The following MAST4 variants were observed in gnomAD, a reference collection of about 807,000 sequenced individuals.
MAST4 encodes the protein microtubule-associated serine/threonine-protein kinase 4.
MAST4 carries 89 observed loss-of-function variants against 162.7 expected under a neutral mutation model. The ratio of observed to expected loss-of-function variants is 0.55; its 90% CI spans 0.46 to 0.65. The LOEUF (loss-of-function observed/expected upper bound fraction) is 0.65, where lower values mean the gene tolerates loss of function less well. Among genes scored for constraint, MAST4 ranks in the 30% least tolerant of loss-of-function variants. MAST4 has a pLI of 0.00. For synonymous variants in MAST4, 1,479 were observed against 1,361.1 expected, an observed-to-expected ratio of 1.09 and a Z score of -1.91; for missense variants, 3,153 against 3,374.0, an observed-to-expected ratio of 0.93 and a Z score of 1.62.
At chr5:66,646,228 CATT>C (rs1304572266) in intron 1 of MAST4, among the ~76,000 whole-genome samples, 1 of 149,432 alleles carries the variant, frequency 6.7e-6, no homozygotes, top group Non-Finnish European at 1.5e-5. Context: ...GGTTATTAAT[CATT>C]ATTAATGGAT....
chr5:66,619,695 C>A (rs1422524707), intron 1 of MAST4, among the ~76,000 whole-genome samples: 2 of 151,874 alleles, frequency 1.3e-5, no homozygotes, highest in East Asian at 3.9e-4. Flanking sequence ...TAACCTTGTA[C>A]ATATTTTGCC....
At chr5:67,102,748 TAGAAAG>T (rs1765166662) in intron 9 of MAST4, 137 bp downstream of exon 9, 1 of 692,966 alleles carries the variant, frequency 1.4e-6, no homozygotes, top group Admixed American at 2.7e-5. Context: ...ATAGTCTTCT[TAGAAAG>T]AGAAAATAAC....
At chr5:66,869,198 G>A (rs1466248559) in intron 3 of MAST4, among the ~76,000 whole-genome samples, 1 of 151,930 alleles carries the variant, frequency 6.6e-6, no homozygotes, top group Non-Finnish European at 1.5e-5. Context: ...CTTCTTTTAG[G>A]GGGAAAAAAG....
At chr5:67,021,738 A>G (rs2150390402) in intron 4 of MAST4, among the ~76,000 whole-genome samples, 1 of 152,340 alleles carries the variant, frequency 6.6e-6, no homozygotes, top group Admixed American at 6.5e-5. Context: ...CTGATTGATT[A>G]CCACACTCTA....
At position 67,165,496 on chromosome 5, in the gene MAST4, C is replaced by G. The variant is rs1318738340; in HGVS notation, c.6317C>G (p.Ser2106Cys). Residue 2106 changes from serine to cysteine, a missense_variant, in exon 29 of 29, where the codon TCC becomes TGC. Physicochemically the swap from Ser to Cys is moderately radical, Grantham distance 112. Around this residue, in one of 7 missense-constraint regions of MAST4, gnomAD observed 1,644 missense variants for 1,495.0 expected, o/e 1.10. Transcript: ENST00000403625. ...GIESEKSEKL[S>C]SFPSLQKDGA... is the part of the protein sequence containing the mutation. ...GAGAGTGAGAAGAGTGAAAAGCTCTCCAGTTTCCCATCTTTGCAGAAAGAT... is the reference window on the plus strand; with the variant it reads ...GAGAGTGAGAAGAGTGAAAAGCTCTGCAGTTTCCCATCTTTGCAGAAAGAT... 1.9e-6 allele frequency: 3 copies of G among 1,613,954 alleles called. No homozygotes were observed. Among genetic ancestry groups the G allele is most frequent in the Non-Finnish European group, 2.5e-6 (3 of 1,179,888 alleles).
At position 66,603,103 on chromosome 5, in the gene MAST4, G is replaced by A. The variant is rs117522079; in HGVS notation, c.363+6085G>A. Reference sequence around the variant, plus strand: ...TACATAATAAGCAAGAAACCTACAAGTCCCTTGCCTGATGGATTATGCTTC... The same window carrying A: ...TACATAATAAGCAAGAAACCTACAAATCCCTTGCCTGATGGATTATGCTTC... On this transcript the variant is annotated intron_variant, in intron 1 of 28. Coordinates refer to ENST00000403625, the MANE Select transcript of MAST4 (RefSeq NM_001164664.2). Among the ~76,000 whole-genome samples the A allele has an allele frequency of 3.9e-4, 60 of 152,308 alleles. 1 individual carries two copies. In the East Asian group the frequency reaches 0.01, roughly 26 times the overall value.
At chr5:66,678,582 C>T (rs1042914882) in intron 1 of MAST4, among the ~76,000 whole-genome samples, 1 of 151,712 alleles carries the variant, frequency 6.6e-6, no homozygotes, top group Non-Finnish European at 1.5e-5. Flanking sequence ...GCAACCTCTG[C>T]CTCCTGGGTT....
chr5:66,893,860 G>A (rs1008783238), intron 3 of MAST4, among the ~76,000 whole-genome samples: 2 of 152,172 alleles, frequency 1.3e-5, no homozygotes, highest in African/African-American at 2.4e-5. Context: ...TTACAGCCAA[G>A]CCCTGTGTAA....
At chr5:66,661,483 A>G (rs938531161) in intron 1 of MAST4, among the ~76,000 whole-genome samples, 1 of 152,184 alleles carries the variant, frequency 6.6e-6, no homozygotes, top group African/African-American at 2.4e-5. Flanking sequence ...CAGGGAATGT[A>G]GATTTATTTT....
chr5:67,117,774 G>A lies in MAST4; in HGVS notation c.1592-908G>A, dbSNP rs553126086. On this transcript the variant is annotated intron_variant, in intron 12 of 28. Transcript: ENST00000403625. ...CATGATTTTTTTAAAGTATAAAAAA[G>A]AAAATGAACAATAAAAGAATTTGAT... Among the ~76,000 whole-genome samples, 713 of 144,958 alleles carry A rather than the reference G, an allele frequency of 4.9e-3. 12 individuals are homozygous for A. The highest frequency in any genetic ancestry group is 0.019 in the African/African-American group (658 of 34,866).
At chr5:67,023,432 G>A (rs571015535) in intron 4 of MAST4, among the ~76,000 whole-genome samples, 3 of 152,238 alleles carry the variant, frequency 2.0e-5, no homozygotes, top group African/African-American at 4.8e-5. Context: ...ATGATCATAC[G>A]TTGGTCATTC....
At chr5:66,732,890 C>T (rs759494774) in intron 1 of MAST4, among the ~76,000 whole-genome samples, 7 of 152,202 alleles carry the variant, frequency 4.6e-5, no homozygotes, top group Non-Finnish European at 1.0e-4. Context: ...GCCATTCGGT[C>T]TCTAAAGCTC....
At chr5:67,139,735 T>G (rs578006731) in intron 19 of MAST4, among the ~76,000 whole-genome samples, 2 of 152,332 alleles carry the variant, frequency 1.3e-5, no homozygotes, top group South Asian at 4.1e-4. Flanking sequence ...GAGTGATTTA[T>G]TTTTAGCTCA....
intron 3 of MAST4, among the ~76,000 whole-genome samples, chr5:66,884,927 A>T (rs751806162): frequency 6.6e-6 from 1 of 152,178 alleles, no homozygotes; most frequent in Admixed American, 6.5e-5. Context: ...GTCTTCCCCC[A>T]TATACCTCTG....
intron 4 of MAST4, among the ~76,000 whole-genome samples, chr5:66,995,888 TACACAC>T (rs34561453): frequency 1.0e-4 from 15 of 147,316 alleles, no homozygotes; most frequent in African/African-American, 2.5e-4. Flanking sequence ...CACACTCACA[TACACAC>T]ACACACACAC....
At chr5:66,980,150 C>G (rs1332421791) in intron 4 of MAST4, among the ~76,000 whole-genome samples, 1 of 152,176 alleles carries the variant, frequency 6.6e-6, no homozygotes, top group Non-Finnish European at 1.5e-5. Flanking sequence ...ATGAAATTTA[C>G]TGTCTCTTGC....
chr5:66,680,278 C>T (rs1748242308), intron 1 of MAST4, among the ~76,000 whole-genome samples: 1 of 152,148 alleles, frequency 6.6e-6, no homozygotes, highest in African/African-American at 2.4e-5. Flanking sequence ...TTAGAGGATT[C>T]ACTCGTTTGT....
chr5:66,894,032 T>C (rs1191903815), intron 3 of MAST4, among the ~76,000 whole-genome samples: 1 of 152,212 alleles, frequency 6.6e-6, no homozygotes, highest in Non-Finnish European at 1.5e-5. Flanking sequence ...TGTCAAGTAG[T>C]GAGAACTCCA....
chr5:66,781,952 C>T (rs1561326878), intron 2 of MAST4, among the ~76,000 whole-genome samples: 1 of 151,928 alleles, frequency 6.6e-6, no homozygotes, highest in Non-Finnish European at 1.5e-5. Context: ...TGGTATTTTT[C>T]TACTTCAGAG....
Sources: gnomAD v4.1 joint callset for allele counts (sites outside exome capture counted in the v4.1 genomes callset) on GRCh38, gnomAD v4.1.1 for gene constraint, gnomAD v4.1.1 regional missense constraint, MANE v1.5 for transcripts, NCBI Gene and HGNC (gene_info 2026-07-23, HGNC 2026-07-21) for gene names.